Variants in ADGRL3 observed in about 807,000 individuals in gnomAD.
The protein encoded by ADGRL3 is calcium-independent alpha-latrotoxin receptor 3.
A neutral mutation model predicts 153.5 loss-of-function variants in ADGRL3; 62 were observed. The observed-to-expected ratio is 0.40, with a 90% CI of 0.33 to 0.50. ADGRL3 has a LOEUF of 0.50. ADGRL3 is among the 20% of genes least tolerant of loss of function. The probability of loss-of-function intolerance (pLI) is 0.47; values close to 1 mark genes in which losing one functional copy is unlikely to be tolerated. For missense variants in ADGRL3, 1,641 were observed against 1,859.4 expected, an observed-to-expected ratio of 0.88 and a Z score of 2.16; for synonymous variants, 710 against 672.5, an observed-to-expected ratio of 1.06 and a Z score of -0.86.
intron 1 of ADGRL3, among the ~76,000 whole-genome samples, chr4:61,288,038 A>C (rs1306185123): frequency 2.0e-5 from 3 of 151,878 alleles, no homozygotes; most frequent in Non-Finnish European, 4.4e-5. Context: ...GTATTGGAAA[A>C]AATGAAATTG....
chr4:61,868,248 T>C (rs2098415273), intron 9 of ADGRL3, among the ~76,000 whole-genome samples: 1 of 152,152 alleles, frequency 6.6e-6, no homozygotes, highest in African/African-American at 2.4e-5. Flanking sequence ...TTTAACAAGT[T>C]TCTGTAGATT....
At position 61,935,914 on chromosome 4, in the gene ADGRL3, T is replaced by C. The variant is rs753449911; in HGVS notation, c.2297-9T>C. Reference sequence around the variant, plus strand: ...TCAATGAGCACTGATATCTCTTTGATATTAACAGAATTGGAAGTTGCAAGA... The same window carrying C: ...TCAATGAGCACTGATATCTCTTTGACATTAACAGAATTGGAAGTTGCAAGA... On this transcript the variant is annotated splice_polypyrimidine_tract_variant and intron_variant, in intron 14 of 26. Transcript: ENST00000683033. 3.2e-6 allele frequency: 5 copies of C among 1,585,570 alleles called. No individual in the cohort carries two copies. The African/African-American group carries it at 6.7e-5, about 21-fold the overall frequency.
intron 5 of ADGRL3, among the ~76,000 whole-genome samples, chr4:61,610,138 G>GATATATATATAT (rs34171023): frequency 6.8e-6 from 1 of 146,818 alleles, no homozygotes; most frequent in African/African-American, 2.5e-5. Context: ...AGGGAAGTGA[G>GATATATATATAT]ATATATATAT....
At chr4:61,437,997 CAG>C (rs2097474147) in intron 2 of ADGRL3, among the ~76,000 whole-genome samples, 1 of 152,152 alleles carries the variant, frequency 6.6e-6, no homozygotes, top group African/African-American at 2.4e-5. Context: ...GCATACTTAA[CAG>C]AATTTTATTA....
chr4:62,052,141 G>A (rs1198128054), intron 25 of ADGRL3, among the ~76,000 whole-genome samples: 1 of 151,426 alleles, frequency 6.6e-6, no homozygotes, highest in African/African-American at 2.4e-5. Context: ...AAGATCACAT[G>A]ACTATTAAAG....
At position 61,325,226 on chromosome 4, in the gene ADGRL3, C is replaced by T. The variant is rs1043681424; in HGVS notation, c.-239-57898C>T. On this transcript the variant is annotated intron_variant, in intron 1 of 26. Coordinates refer to ENST00000683033, the MANE Select transcript of ADGRL3 (RefSeq NM_001387552.1). ...ACTCAGGAGGCTGAGGCAGGAGAAT[C>T]GCTTGAACCAGGGAGTCGGAAGTTG... 7.2e-5 allele frequency among the ~76,000 whole-genome samples: 11 copies of T among 152,148 alleles called. No individual in the cohort carries two copies. The South Asian group carries it at 1.0e-3, about 14-fold the overall frequency.
intron 5 of ADGRL3, among the ~76,000 whole-genome samples, chr4:61,672,406 T>G (rs2095039860): frequency 6.6e-6 from 1 of 152,076 alleles, no homozygotes; most frequent in African/African-American, 2.4e-5. Flanking sequence ...GTACCATTGG[T>G]CTACACGTTT....
At chr4:61,299,052 T>C (rs929529771) in intron 1 of ADGRL3, among the ~76,000 whole-genome samples, 2 of 152,174 alleles carry the variant, frequency 1.3e-5, no homozygotes, top group African/African-American at 2.4e-5. Context: ...AGTATTTAGC[T>C]TGCTTTTAAA....
intron 2 of ADGRL3, among the ~76,000 whole-genome samples, chr4:61,476,099 C>G (rs2098045517): frequency 1.3e-5 from 2 of 152,164 alleles, no homozygotes; most frequent in African/African-American, 4.8e-5. Context: ...GCACAACAGC[C>G]ATAGTACTCT....
At chr4:61,356,982 A>ATT (rs201471399) in intron 1 of ADGRL3, among the ~76,000 whole-genome samples, 1 of 148,014 alleles carries the variant, frequency 6.8e-6, no homozygotes, top group African/African-American at 2.5e-5. Flanking sequence ...ACAGTGCTTT[A>ATT]TTTTTTTTTT....
At chr4:61,229,083 G>A (rs1339171885) in intron 1 of ADGRL3, among the ~76,000 whole-genome samples, 2 of 152,190 alleles carry the variant, frequency 1.3e-5, no homozygotes, top group South Asian at 2.1e-4. Context: ...AGGCTGTGAT[G>A]TAGAGAAAAA....
Position 61,376,568 on chromosome 4 carries a change from C to T in ADGRL3, c.-239-6556C>T, listed in dbSNP as rs139309003. 3.2e-3 allele frequency among the ~76,000 whole-genome samples: 484 copies of T among 152,178 alleles called. 5 individuals are homozygous for T. Among genetic ancestry groups the T allele is most frequent in the African/African-American group, 0.01 (433 of 41,532 alleles). On this transcript the variant is annotated intron_variant, in intron 1 of 26. Transcript: ENST00000683033. ...TTAAAGGAGAGCAGGAAACCCCCTG[C>T]CCCAGGTCATTAGTCCATCTTGCTC...
chr4:61,823,080 TTC>T (rs1231811535), intron 9 of ADGRL3, among the ~76,000 whole-genome samples: 5 of 152,160 alleles, frequency 3.3e-5, no homozygotes, highest in African/African-American at 9.7e-5. Context: ...TCAGGCTCAG[TTC>T]TCTCAACTTC....
rs2096426016 is a variant in ADGRL3 at position 61,730,725 on chromosome 4, ATTC to A, written c.598+92_598+94del. On this transcript the variant is annotated intron_variant, in intron 7 of 26. Transcript: ENST00000683033. ...TTTAGTTAAAATAATTTTGTTATTA[ATTC>A]TTATCTATTTTATGAAAATTTATTT... The A allele has an allele frequency of 9.3e-6, 3 of 321,970 alleles. No homozygotes were observed. In the East Asian group the frequency reaches 1.5e-4, roughly 16 times the overall value. The allele number at this position is 321,970 out of a possible 1,614,324, so 19.9% of individuals were successfully genotyped here.
At chr4:61,395,644 G>C (rs1258196054) in intron 2 of ADGRL3, among the ~76,000 whole-genome samples, 1 of 151,666 alleles carries the variant, frequency 6.6e-6, no homozygotes, top group Non-Finnish European at 1.5e-5. Flanking sequence ...GGTTTTAATA[G>C]GTAATGACCT....
At chr4:61,310,146 C>T (rs1244773150) in intron 1 of ADGRL3, among the ~76,000 whole-genome samples, 1 of 151,508 alleles carries the variant, frequency 6.6e-6, no homozygotes, top group African/African-American at 2.4e-5. Context: ...TCTTGATGCC[C>T]ACTTTCTGAG....
chr4:61,617,661 A>G (rs572097395), intron 5 of ADGRL3, among the ~76,000 whole-genome samples: 96 of 152,322 alleles, frequency 6.3e-4, no homozygotes, highest in Non-Finnish European at 1.2e-3. Context: ...AAAAAATTCA[A>G]ACAGCATCTG....
chr4:61,839,435 A>G (rs1355635955), intron 9 of ADGRL3, among the ~76,000 whole-genome samples: 1 of 151,938 alleles, frequency 6.6e-6, no homozygotes, highest in African/African-American at 2.4e-5. Flanking sequence ...TGCTCAAGAA[A>G]TTCTCTCACC....
intron 5 of ADGRL3, among the ~76,000 whole-genome samples, chr4:61,645,200 T>C (rs12502975): frequency 0.35 from 52,701 of 151,944 alleles, 9,682 homozygotes; most frequent in East Asian, 0.52. Flanking sequence ...AGATGGGTTT[T>C]CTGAATACAG....
Sources: gnomAD v4.1 joint callset for allele counts (sites outside exome capture counted in the v4.1 genomes callset) on GRCh38, gnomAD v4.1.1 for gene constraint, MANE v1.5 for transcripts, NCBI Gene and HGNC (gene_info 2026-07-23, HGNC 2026-07-21) for gene names.